The following BCAS3 variants were observed in gnomAD, a reference collection of about 807,000 sequenced individuals.
BCAS3 encodes the protein BCAS4/BCAS3 fusion.
A neutral mutation model predicts 116.1 loss-of-function variants in BCAS3; 53 were observed. The ratio of observed to expected loss-of-function variants is 0.46; its 90% CI spans 0.37 to 0.57. The LOEUF is 0.57. BCAS3 is among the 20% of genes least tolerant of loss of function. BCAS3 has a pLI of 0.00. For synonymous variants in BCAS3, 391 were observed against 408.2 expected, an observed-to-expected ratio of 0.96 and a Z score of 0.51; for missense variants, 917 against 1,165.4, an observed-to-expected ratio of 0.79 and a Z score of 3.10.
chr17:60,919,464 A>C (rs1275555841), intron 12 of BCAS3, among the ~76,000 whole-genome samples: 2 of 152,098 alleles, frequency 1.3e-5, no homozygotes, highest in African/African-American at 4.8e-5. Flanking sequence ...ATCTGGGACT[A>C]CAGGTGTGTG....
chr17:60,769,523 G>A (rs893574916), intron 6 of BCAS3, among the ~76,000 whole-genome samples: 2 of 152,174 alleles, frequency 1.3e-5, no homozygotes, highest in Non-Finnish European at 1.5e-5. Context: ...CAGCCCCAGG[G>A]GAGTTCAAAG....
rs117831326 is a variant in BCAS3, at chr17:60,767,145, G to A, written c.403+19866G>A. Among the ~76,000 whole-genome samples the A allele has an allele frequency of 9.9e-3, 1,513 of 152,266 alleles. 10 individuals carry two copies. The highest frequency in any genetic ancestry group is 0.017 in the Non-Finnish European group (1,151 of 68,020). On this transcript the variant is annotated intron_variant, in intron 6 of 23. Coordinates refer to ENST00000407086, the MANE Select transcript of BCAS3 (RefSeq NM_017679.5). Reference sequence around the variant, plus strand: ...TAGGAAAAATCCCCCGACCCTTTGCGCTTCCGGGGTGAGGCAATGCCCCAC... The same window carrying A: ...TAGGAAAAATCCCCCGACCCTTTGCACTTCCGGGGTGAGGCAATGCCCCAC...
rs1055886685 is a variant in BCAS3 at position 61,200,591 on chromosome 17, A to G, written c.2425+116027A>G. The stretch of plus-strand genomic sequence containing the variant: ...TCCGAAACATTCCTACTGAAGAGGC[A>G]TTAGGACTAGAGCGTATTTCTTTTG... On this transcript the variant is annotated intron_variant, in intron 22 of 23. Coordinates refer to ENST00000407086, the MANE Select transcript of BCAS3 (RefSeq NM_017679.5). This position sits in a 1 kb window ranked among gnomAD's most constrained non-coding sequence, Gnocchi z 5.1. Among the ~76,000 whole-genome samples the G allele has an allele frequency of 2.0e-5, 3 of 152,240 alleles. No homozygotes were observed. Among genetic ancestry groups the G allele is most frequent in the African/African-American group, 4.8e-5 (2 of 41,454 alleles).
At chr17:60,815,934 T>C (rs1024548791) in intron 7 of BCAS3, among the ~76,000 whole-genome samples, 5 of 152,208 alleles carry the variant, frequency 3.3e-5, no homozygotes, top group African/African-American at 1.2e-4. Context: ...TAAGTGAATT[T>C]TAGGAAGCTT....
chr17:60,899,800 A>AT (rs530466181), intron 10 of BCAS3: 2,031 of 145,406 alleles, frequency 0.014, 48 homozygotes, highest in East Asian at 0.072. Context: ...CAGGCCCCTG[A>AT]TTTTTTTTTT....
At position 60,716,708 on chromosome 17, in the gene BCAS3, C is replaced by T. The variant is rs1249560047; in HGVS notation, c.321+7383C>T. On this transcript the variant is annotated intron_variant, in intron 5 of 23. Transcript: ENST00000407086. Reference sequence around the variant, plus strand: ...CCAGCCTGGGTGACAGAGCAAGACCCTCTCAAAAAAAAAAAAATAATAATA... The same window carrying T: ...CCAGCCTGGGTGACAGAGCAAGACCTTCTCAAAAAAAAAAAAATAATAATA... Among the ~76,000 whole-genome samples, 6 of 142,818 alleles carry T rather than the reference C, an allele frequency of 4.2e-5. No individual in the cohort carries two copies. In the South Asian group the frequency reaches 8.4e-4, roughly 20 times the overall value. 93.7% of individuals were successfully genotyped at this position (142,818 alleles called of 152,430 possible). A position where few individuals can be genotyped will look rare whatever the true frequency, so the allele number is the denominator to read the frequency against.
chr17:61,384,701 C>T (rs117518238), intron 23 of BCAS3: 2,172 of 152,378 alleles, frequency 0.014, 35 homozygotes, highest in Admixed American at 0.022. Flanking sequence ...ATTTTCTCTC[C>T]CCTGGTATAG....
chr17:60,935,014 CG>C (rs1245682949), intron 13 of BCAS3, among the ~76,000 whole-genome samples: 1 of 151,964 alleles, frequency 6.6e-6, no homozygotes, highest in African/African-American at 2.4e-5. Context: ...AAAAATCAGC[CG>C]GGTGTGGTGG....
At chr17:60,895,944 T>A (rs1326710649) in intron 10 of BCAS3, among the ~76,000 whole-genome samples, 1 of 152,240 alleles carries the variant, frequency 6.6e-6, no homozygotes. Context: ...TGGTCTATCA[T>A]GGAGAATGTT....
Position 61,387,377 on chromosome 17 carries a change from G to T in BCAS3, c.2594-4600G>T, listed in dbSNP as rs928710852. Among the ~76,000 whole-genome samples the T allele has an allele frequency of 1.6e-4, 25 of 152,296 alleles. No homozygotes were observed. Among genetic ancestry groups the T allele is most frequent in the African/African-American group, 6.0e-4 (25 of 41,560 alleles). On this transcript the variant is annotated intron_variant, in intron 23 of 23. Transcript: ENST00000407086. The surrounding 1 kb of genome is among the most constrained non-coding windows in gnomAD (Gnocchi z 6.2). ...CACACGCTCCCAAGTGACCAGGGTTGCTTCTCTCTAAAAAGGCCAGTCCCC... is the reference window on the plus strand; with the variant it reads ...CACACGCTCCCAAGTGACCAGGGTTTCTTCTCTCTAAAAAGGCCAGTCCCC...
chr17:61,319,516 A>C (rs1196234985), intron 22 of BCAS3, among the ~76,000 whole-genome samples: 1 of 152,024 alleles, frequency 6.6e-6, no homozygotes, highest in African/African-American at 2.4e-5. Flanking sequence ...TAATATGTCG[A>C]ATGTATTGAT....
intron 22 of BCAS3, among the ~76,000 whole-genome samples, chr17:61,287,353 G>A (rs760428355): frequency 1.6e-4 from 25 of 152,088 alleles, no homozygotes; most frequent in Non-Finnish European, 2.6e-4. Context: ...GGTAGGGGCT[G>A]TCTTGGGGAA....
intron 22 of BCAS3, among the ~76,000 whole-genome samples, chr17:61,277,097 T>A (rs2050822015): frequency 6.6e-6 from 1 of 151,496 alleles, no homozygotes. Flanking sequence ...ACCTTGTCTC[T>A]TATAGGAAAA....
chr17:61,080,691 C>T (rs549492638), intron 21 of BCAS3, among the ~76,000 whole-genome samples: 22 of 152,206 alleles, frequency 1.4e-4, no homozygotes, highest in African/African-American at 4.6e-4. Context: ...ACACAGGAGG[C>T]GGAGATTTCA....
intron 13 of BCAS3, 82 bp downstream of exon 13, chr17:60,924,582 G>T: frequency 9.5e-7 from 1 of 1,051,586 alleles, no homozygotes; most frequent in Non-Finnish European, 1.4e-6. Context: ...ATGGAATATG[G>T]AATCTGACTT....
At position 61,348,083 on chromosome 17, in the gene BCAS3, A is replaced by C. The variant is rs1299639225; in HGVS notation, c.2426-20244A>C. Among the ~76,000 whole-genome samples, 6 of 152,242 alleles carry C rather than the reference A, an allele frequency of 3.9e-5. No individual in the cohort carries two copies. Among genetic ancestry groups the C allele is most frequent in the Admixed American group, 2.0e-4 (3 of 15,288 alleles). ...TTAATAGGCGGAAAGACCAGTTTAA[A>C]GATTGCTAGAATAATCCCAATGAGA... On this transcript the variant is annotated intron_variant, in intron 22 of 23. Transcript: ENST00000407086. The surrounding 1 kb of genome is among the most constrained non-coding windows in gnomAD (Gnocchi z 4.5).
intron 13 of BCAS3, among the ~76,000 whole-genome samples, chr17:60,937,241 T>A (rs184056192): frequency 4.3e-4 from 65 of 152,136 alleles, no homozygotes; most frequent in East Asian, 9.7e-4. Context: ...TGTTTTTTTT[T>A]TATATATCCT....
Position 61,220,758 on chromosome 17 carries a change from G to T in BCAS3, c.2425+136194G>T, listed in dbSNP as rs754563336. 6.6e-6 allele frequency among the ~76,000 whole-genome samples: 1 copy of T among 152,194 alleles called. No homozygotes were observed. On this transcript the variant is annotated intron_variant, in intron 22 of 23. Transcript: ENST00000407086. This position sits in a 1 kb window ranked among gnomAD's most constrained non-coding sequence, Gnocchi z 4.5. ...GTTGTTGGTGTGATACAAGAACTTG[G>T]TCTAATCAGGAGGAGCCTCTGAGGA...
chr17:61,163,951 T>C (rs1448500410), intron 22 of BCAS3, among the ~76,000 whole-genome samples: 11 of 146,438 alleles, frequency 7.5e-5, no homozygotes, highest in Non-Finnish European at 1.6e-4. Flanking sequence ...GAGCCGAGAT[T>C]GTACCATCGC....
Sources: allele counts gnomAD v4.1 joint callset (sites outside exome capture counted in the v4.1 genomes callset), GRCh38; gene constraint gnomAD v4.1.1; non-coding constraint Gnocchi (gnomAD v3.1); transcripts MANE v1.5; gene names NCBI Gene and HGNC (gene_info 2026-07-23, HGNC 2026-07-21).